PRKN: variants seen among roughly 807,000 people sequenced by gnomAD.
The protein encoded by PRKN is E3 ubiquitin-protein ligase parkin.
PRKN carries 56 observed loss-of-function variants against 59.5 expected under a neutral mutation model. The ratio of observed to expected loss-of-function variants is 0.94; its 90% CI spans 0.76 to 1.18. The LOEUF (loss-of-function observed/expected upper bound fraction) is 1.18. PRKN is among the 50% of genes most tolerant of loss of function. PRKN has a pLI of 0.00. For missense variants in PRKN, 657 were observed against 596.4 expected, an observed-to-expected ratio of 1.10 and a Z score of -1.06; for synonymous variants, 250 against 222.1, an observed-to-expected ratio of 1.13 and a Z score of -1.12.
rs1297793213 is a variant in PRKN, at chr6:162,010,216, A to ATATACATAATATATATTTTATATATTTAT, written c.619-36828_619-36800dup. The stretch of plus-strand genomic sequence containing the variant: ...AACAAATTTCTGATATATATATTAT[A>ATATACATAATATATATTTTATATATTTAT]TATACATAATATATATTTTATATAT... On this transcript the variant is annotated intron_variant, in intron 5 of 11. Coordinates refer to ENST00000366898, the MANE Select transcript of PRKN (RefSeq NM_004562.3). 2.8e-3 allele frequency among the ~76,000 whole-genome samples: 377 copies of ATATACATAATATATATTTTATATATTTAT among 134,750 alleles called. 6 individuals carry two copies. The highest frequency in any genetic ancestry group is 9.4e-3 in the African/African-American group (335 of 35,750). The allele number at this position is 134,750 out of a possible 152,430, so 88.4% of individuals were successfully genotyped here.
chr6:162,010,846 TA>T (rs1276691637), intron 5 of PRKN, among the ~76,000 whole-genome samples: 15 of 11,742 alleles, frequency 1.3e-3, no homozygotes, highest in African/African-American at 0.011. Context: ...ATATAATACA[TA>T]ATATTAATAT....
intron 1 of PRKN, among the ~76,000 whole-genome samples, chr6:162,648,149 T>C (rs941005924): frequency 6.6e-6 from 1 of 152,034 alleles, no homozygotes; most frequent in African/African-American, 2.4e-5. Context: ...AACTCTACTG[T>C]ATTAAATATC....
intron 6 of PRKN, among the ~76,000 whole-genome samples, chr6:161,937,206 C>T (rs1779390897): frequency 6.6e-6 from 1 of 152,224 alleles, no homozygotes; most frequent in South Asian, 2.1e-4. Context: ...GACTAAACGG[C>T]TGCTATCATC....
rs1445755850 is a variant in PRKN, at chr6:161,550,223, G to C, written c.934-1220C>G. ...GGCGGAGGCAGAGAGAACAAGGAGGGAAAAAAACAGAAGGTGAAGTTGGAG... is the reference window on the plus strand; with the variant it reads ...GGCGGAGGCAGAGAGAACAAGGAGGCAAAAAAACAGAAGGTGAAGTTGGAG... On this transcript the variant is annotated intron_variant, in intron 8 of 11. Coordinates refer to ENST00000366898, the MANE Select transcript of PRKN (RefSeq NM_004562.3). This position sits in a 1 kb window ranked among gnomAD's most constrained non-coding sequence, Gnocchi z 4.0. Among the ~76,000 whole-genome samples the C allele has an allele frequency of 2.0e-5, 3 of 152,038 alleles. No homozygotes were observed. Among genetic ancestry groups the C allele is most frequent in the Non-Finnish European group, 4.4e-5 (3 of 67,992 alleles).
At chr6:161,558,565 A>G (rs1050018184) in intron 8 of PRKN, among the ~76,000 whole-genome samples, 3 of 151,390 alleles carry the variant, frequency 2.0e-5, no homozygotes, top group Non-Finnish European at 4.4e-5. Flanking sequence ...ACTTTCTCAA[A>G]AAAAAAAAAA....
chr6:162,410,093 A>C (rs998756120), intron 2 of PRKN, among the ~76,000 whole-genome samples: 4 of 152,202 alleles, frequency 2.6e-5, no homozygotes, highest in African/African-American at 9.7e-5. Flanking sequence ...TTGTTTTTAG[A>C]GGCCTTCTCT....
intron 1 of PRKN, among the ~76,000 whole-genome samples, chr6:162,502,838 T>C (rs1793431813): frequency 6.6e-6 from 1 of 152,130 alleles, no homozygotes; most frequent in Non-Finnish European, 1.5e-5. Flanking sequence ...TCCAACTAGT[T>C]TGGAATAAAT....
chr6:161,710,337 G>T (rs983106475), intron 7 of PRKN, among the ~76,000 whole-genome samples: 1 of 152,108 alleles, frequency 6.6e-6, no homozygotes, highest in Non-Finnish European at 1.5e-5. Flanking sequence ...TTCCCATGGG[G>T]TTACATCCAC....
chr6:162,227,032 A>G (rs1778207957), intron 3 of PRKN, among the ~76,000 whole-genome samples: 1 of 152,194 alleles, frequency 6.6e-6, no homozygotes, highest in South Asian at 2.1e-4. Flanking sequence ...CTCTCCTGCA[A>G]ATGCACAGTC....
intron 1 of PRKN, among the ~76,000 whole-genome samples, chr6:162,699,786 G>C (rs988978631): frequency 2.6e-5 from 4 of 152,050 alleles, no homozygotes; most frequent in Non-Finnish European, 4.4e-5. Flanking sequence ...TCAATCATCT[G>C]TCTCTCCCAA....
intron 1 of PRKN, among the ~76,000 whole-genome samples, chr6:162,490,129 G>C (rs1158451738): frequency 6.6e-6 from 1 of 152,110 alleles, no homozygotes; most frequent in Non-Finnish European, 1.5e-5. Context: ...TTTTCATAAA[G>C]AGGGAAGAGA....
At chr6:162,137,207 G>A (rs958606633) in intron 4 of PRKN, among the ~76,000 whole-genome samples, 1 of 152,058 alleles carries the variant, frequency 6.6e-6, no homozygotes, top group East Asian at 1.9e-4. Context: ...TGGAGGTCTG[G>A]CTGGGAATAT....
intron 6 of PRKN, among the ~76,000 whole-genome samples, chr6:161,790,247 C>T (rs867613467): frequency 2.2e-4 from 34 of 152,152 alleles, no homozygotes; most frequent in African/African-American, 7.2e-4. Flanking sequence ...GAATCACAGA[C>T]ATGCAAGTAT....
chr6:162,155,045 AC>A (rs1339126443), intron 4 of PRKN, among the ~76,000 whole-genome samples: 1 of 151,198 alleles, frequency 6.6e-6, no homozygotes, highest in African/African-American at 2.4e-5. Flanking sequence ...TCAGCAAAAC[AC>A]CCACAACATG....
At chr6:161,670,611 C>T (rs937233238) in intron 7 of PRKN, among the ~76,000 whole-genome samples, 8 of 152,076 alleles carry the variant, frequency 5.3e-5, no homozygotes, top group African/African-American at 1.7e-4. Flanking sequence ...GTCAGGAGAT[C>T]GAGACCATCC....
chr6:162,140,724 A>AATCAAGCAC (rs11282448), intron 4 of PRKN, among the ~76,000 whole-genome samples: 1 of 151,706 alleles, frequency 6.6e-6, no homozygotes, highest in Non-Finnish European at 1.5e-5. Flanking sequence ...AAAGCAATTT[A>AATCAAGCAC]ATGCAGGTGG....
chr6:162,496,444 CTGAAA>C, intron 1 of PRKN, among the ~76,000 whole-genome samples: 1 of 152,084 alleles, frequency 6.6e-6, no homozygotes, highest in East Asian at 1.9e-4. Flanking sequence ...ACTGTTAGGG[CTGAAA>C]TGAAACTTGG....
chr6:162,488,782 T>C (rs1301234745), intron 1 of PRKN, among the ~76,000 whole-genome samples: 2 of 152,204 alleles, frequency 1.3e-5, no homozygotes, highest in African/African-American at 2.4e-5. Flanking sequence ...TGATTGACAC[T>C]AGCCCCTGCC....
At position 161,447,502 on chromosome 6, in the gene PRKN, T is replaced by C. The variant is rs112820829; in HGVS notation, c.1084-60625A>G. Reference sequence around the variant, plus strand: ...ATTCCTCTGCCATCCTTTCTTTCCTTCCTTTCCTTGAGATGGAGTCTCTCT... The same window carrying C: ...ATTCCTCTGCCATCCTTTCTTTCCTCCCTTTCCTTGAGATGGAGTCTCTCT... On this transcript the variant is annotated intron_variant, in intron 9 of 11. Transcript: ENST00000366898. This position sits in a 1 kb window ranked among gnomAD's most constrained non-coding sequence, Gnocchi z 4.1. Among the ~76,000 whole-genome samples, 10,139 of 152,250 alleles carry C rather than the reference T, an allele frequency of 0.067. 361 individuals carry two copies. Among genetic ancestry groups the C allele is most frequent in the Non-Finnish European group, 0.081 (5,525 of 68,006 alleles).
Sources: gnomAD v4.1 joint callset for allele counts (sites outside exome capture counted in the v4.1 genomes callset) on GRCh38, gnomAD v4.1.1 for gene constraint, Gnocchi (gnomAD v3.1) non-coding constraint, MANE v1.5 for transcripts, NCBI Gene and HGNC (gene_info 2026-07-23, HGNC 2026-07-21) for gene names.